Variants in ZNF585A observed in about 807,000 individuals in gnomAD.
ZNF585A encodes the protein zinc finger protein 585A.
Under a neutral mutation model 14.9 loss-of-function variants are expected in ZNF585A, and 9 were observed. That is an observed-to-expected ratio of 0.60 (90% confidence interval 0.36 to 1.05). The LOEUF (loss-of-function observed/expected upper bound fraction) is 1.05, where lower values mean the gene tolerates loss of function less well. Ranked by LOEUF, ZNF585A falls within the 50% of genes least tolerant of loss-of-function variation. The probability of loss-of-function intolerance (pLI) is 0.01; values close to 1 mark genes in which losing one functional copy is unlikely to be tolerated. For synonymous variants in ZNF585A, 276 were observed against 319.9 expected (o/e 0.86, Z 1.46); for missense variants, 726 against 926.4 (o/e 0.78, Z 2.81).
chr19:37,160,059 ATGG>A (rs930345724), intron 2 of ZNF585A, among the ~76,000 whole-genome samples: 7 of 152,256 alleles, frequency 4.6e-5, no homozygotes, highest in Admixed American at 1.3e-4. Context: ...GAGGCCAGAC[ATGG>A]TGGCTCACTC....
intron 2 of ZNF585A, among the ~76,000 whole-genome samples, chr19:37,163,527 G>C (rs1267964871): frequency 6.7e-6 from 1 of 149,688 alleles, no homozygotes; most frequent in Non-Finnish European, 1.5e-5. Flanking sequence ...AGGTGGCAAA[G>C]AGCAGATTAA....
intron 2 of ZNF585A, among the ~76,000 whole-genome samples, chr19:37,166,441 T>C (rs1972092100): frequency 6.6e-6 from 1 of 151,820 alleles, no homozygotes; most frequent in Admixed American, 6.6e-5. Flanking sequence ...TGCCTCAGCC[T>C]CCTGAGTAAC....
intron 2 of ZNF585A, among the ~76,000 whole-genome samples, chr19:37,163,565 A>G (rs986428431): frequency 6.6e-6 from 1 of 152,092 alleles, no homozygotes; most frequent in Non-Finnish European, 1.5e-5. Context: ...AGACGGAAAT[A>G]AAGATATTTT....
At position 37,151,115 on chromosome 19, in the gene ZNF585A, A is replaced by G. The variant is rs75216732; in HGVS notation, c.*474T>C. On this transcript the variant is annotated 3_prime_UTR_variant, in exon 5 of 5. Transcript: ENST00000292841. Reference sequence around the variant, plus strand: ...TGTGGTAGATTCGAATGAGAAAGAAAAACACCCAGGAGTCTGTTACACAAT... The same window carrying G: ...TGTGGTAGATTCGAATGAGAAAGAAGAACACCCAGGAGTCTGTTACACAAT... 5,014 of 375,714 alleles carry G rather than the reference A, an allele frequency of 0.013. 64 individuals carry two copies. Among genetic ancestry groups the G allele is most frequent in the Middle Eastern group, 0.036 (54 of 1,500 alleles). The allele number at this position is 375,714 out of a possible 1,614,324, so 23.3% of individuals were successfully genotyped here. A position where few individuals can be genotyped will look rare whatever the true frequency, so the allele number is the denominator to read the frequency against.
chr19:37,146,852 G>A lies in ZNF585A; in HGVS notation c.*4737C>T, dbSNP rs1440580741. On this transcript the variant is annotated 3_prime_UTR_variant, in exon 5 of 5. Transcript: ENST00000292841. ...AGGATACTCAGTTTGGTACTGCCCT[G>A]ACATGGAGTTAGAGCTGGGTGTGCT... 1 of 152,266 alleles carries A rather than the reference G, an allele frequency of 6.6e-6. No individual in the cohort carries two copies. Among genetic ancestry groups the A allele is most frequent in the Non-Finnish European group, 1.5e-5 (1 of 68,170 alleles). The allele number at this position is 152,266 out of a possible 1,614,324, so 9.4% of individuals were successfully genotyped here. A position where few individuals can be genotyped will look rare whatever the true frequency, so the allele number is the denominator to read the frequency against.
At chr19:37,166,842 A>G (rs1355612854) in intron 2 of ZNF585A, among the ~76,000 whole-genome samples, 1 of 151,488 alleles carries the variant, frequency 6.6e-6, no homozygotes, top group Non-Finnish European at 1.5e-5. Context: ...AACTTACTTT[A>G]TTTATTTATG....
rs542594385 is a variant in ZNF585A, at chr19:37,161,458, T to C, written c.73-5103A>G. Among the ~76,000 whole-genome samples, 15 of 152,324 alleles carry C rather than the reference T, an allele frequency of 9.8e-5. No individual in the cohort carries two copies. The East Asian group carries it at 1.5e-3, about 16-fold the overall frequency. ...ACAAGACTGGAAGATCAGAGACTCA[T>C]TGCACAATTGATGAGAGAGAATATA... On this transcript the variant is annotated intron_variant, in intron 2 of 4. Coordinates refer to ENST00000292841, the MANE Select transcript of ZNF585A (RefSeq NM_001288800.2).
rs1183235962 is a variant in ZNF585A at position 37,147,899 on chromosome 19, C to T, written c.*3690G>A. 2 of 152,160 alleles carry T rather than the reference C, an allele frequency of 1.3e-5. No individual in the cohort carries two copies. The highest frequency in any genetic ancestry group is 4.8e-5 in the African/African-American group (2 of 41,452). 9.4% of individuals were successfully genotyped at this position (152,160 alleles called of 1,614,324 possible). A position where few individuals can be genotyped will look rare whatever the true frequency, so the allele number is the denominator to read the frequency against. ...AGCAGCCCTCCATAGTATTGGTGTA[C>T]ACAATTTGTTTAATCACTCATCCAC... On this transcript the variant is annotated 3_prime_UTR_variant, in exon 5 of 5. Transcript: ENST00000292841.
intron 2 of ZNF585A, among the ~76,000 whole-genome samples, chr19:37,160,127 G>A (rs1269192298): frequency 6.6e-6 from 1 of 151,960 alleles, no homozygotes; most frequent in Non-Finnish European, 1.5e-5. Context: ...GAGCCCAGGA[G>A]TTCGAGATCA....
At position 37,151,990 on chromosome 19, in the gene ZNF585A, C is replaced by T; in HGVS notation, c.1909G>A (p.Ala637Thr). The change falls in exon 5 of 5, where the codon GCC (alanine) becomes ACC (threonine). Residue 637 changes from alanine to threonine, a missense_variant. Transcript: ENST00000292841. The part of the protein sequence containing the change: ...VHTGEKPYVC[A>T]ECGKAFSGRS... The stretch of plus-strand genomic sequence containing the variant: ...CCACTAAAGGCCTTCCCGCACTCGG[C>T]ACACACATAGGGTTTCTCTCCTGTG... The T allele has an allele frequency of 6.2e-7, 1 of 1,614,002 alleles. No homozygotes were observed. Among genetic ancestry groups the T allele is most frequent in the Non-Finnish European group, 8.5e-7 (1 of 1,180,006 alleles).
Position 37,145,871 on chromosome 19 carries a change from GAT to G in ZNF585A, c.*5716_*5717del, listed in dbSNP as rs1971735886. 6.6e-6 allele frequency: 1 copy of G among 152,152 alleles called. No individual in the cohort carries two copies. The highest frequency in any genetic ancestry group is 2.4e-5 in the African/African-American group (1 of 41,428). 9.4% of individuals were successfully genotyped at this position (152,152 alleles called of 1,614,324 possible). A position where few individuals can be genotyped will look rare whatever the true frequency, so the allele number is the denominator to read the frequency against. ...TCAGAATTGATATGTTGTTATTTATGATATCTTAATAATTTAGAGGCATATAA... is the reference window on the plus strand; with the variant it reads ...TCAGAATTGATATGTTGTTATTTATGATCTTAATAATTTAGAGGCATATAA... On this transcript the variant is annotated 3_prime_UTR_variant, in exon 5 of 5. Transcript: ENST00000292841.
In ZNF585A at chr19:37,148,776, G is replaced by A. The variant is rs946986199; in HGVS notation, c.*2813C>T. Reference sequence around the variant, plus strand: ...GGAAGCATCCAACAGTCCTTCAGTAGGTGAATAAATAAACATCCAGACGAT... The same window carrying A: ...GGAAGCATCCAACAGTCCTTCAGTAAGTGAATAAATAAACATCCAGACGAT... On this transcript the variant is annotated 3_prime_UTR_variant, in exon 5 of 5. Coordinates refer to ENST00000292841, the MANE Select transcript of ZNF585A (RefSeq NM_001288800.2). 1 of 152,038 alleles carries A rather than the reference G, an allele frequency of 6.6e-6. No individual in the cohort carries two copies. The highest frequency in any genetic ancestry group is 2.4e-5 in the African/African-American group (1 of 41,414). The allele number at this position is 152,038 out of a possible 1,614,324, so 9.4% of individuals were successfully genotyped here. A position where few individuals can be genotyped will look rare whatever the true frequency, so the allele number is the denominator to read the frequency against.
At chr19:37,167,416 G>A (rs1035488736) in intron 2 of ZNF585A, among the ~76,000 whole-genome samples, 10 of 150,832 alleles carry the variant, frequency 6.6e-5, no homozygotes, top group African/African-American at 9.8e-5. Context: ...CTCATGATTC[G>A]CCCACATTGG....
chr19:37,164,689 T>G (rs375631047), intron 2 of ZNF585A, among the ~76,000 whole-genome samples: 2 of 152,186 alleles, frequency 1.3e-5, no homozygotes, highest in East Asian at 3.9e-4. Flanking sequence ...GTTTTTTGCT[T>G]TTGTTTTCAA....
rs572374234 is a variant in ZNF585A, at chr19:37,169,791, C to G, written c.72+48G>C. The G allele has an allele frequency of 2.2e-5, 35 of 1,601,930 alleles. 1 individual carries two copies. The East Asian group carries it at 7.8e-4, about 36-fold the overall frequency. On this transcript the variant is annotated intron_variant, in intron 2 of 4. Coordinates refer to ENST00000292841, the MANE Select transcript of ZNF585A (RefSeq NM_001288800.2). ...AGGTTCTAGTGACAGACCAGAGATA[C>G]CTAGTCCTGGATTGAATTCCCACCC... is the stretch of plus-strand genomic sequence containing the variant.
rs531240565 is a variant in ZNF585A at position 37,163,219 on chromosome 19, T to C, written c.72+6620A>G. Reference sequence around the variant, plus strand: ...AAGAAATCTCCTCATTCAAAGACAATAAACATCTCCTGATGTACAAAGATG... The same window carrying C: ...AAGAAATCTCCTCATTCAAAGACAACAAACATCTCCTGATGTACAAAGATG... On this transcript the variant is annotated intron_variant, in intron 2 of 4. Coordinates refer to ENST00000292841, the MANE Select transcript of ZNF585A (RefSeq NM_001288800.2). Among the ~76,000 whole-genome samples, 6 of 149,666 alleles carry C rather than the reference T, an allele frequency of 4.0e-5. No homozygotes were observed. In the East Asian group the frequency reaches 1.2e-3, roughly 29 times the overall value.
At position 37,152,196 on chromosome 19, in the gene ZNF585A, T is replaced by C. The variant is rs1203662938; in HGVS notation, c.1703A>G (p.His568Arg). The C allele has an allele frequency of 6.2e-7, 1 of 1,613,066 alleles. No individual in the cohort carries two copies. Among genetic ancestry groups the C allele is most frequent in the Non-Finnish European group, 8.5e-7 (1 of 1,179,592 alleles). The change falls in exon 5 of 5, where the codon CAT (histidine) becomes CGT (arginine). Residue 568 changes from histidine (H) to arginine (R), a missense_variant. This residue lies in a region of ZNF585A where 243 missense variants were observed against 383.6 expected (regional missense o/e 0.63). Transcript: ENST00000292841. ...AFNQKSILIVHQKIHTGEKPY... is the reference protein window; with the variant it reads ...AFNQKSILIVRQKIHTGEKPY... ...TTTCTCTCCTGTATGAATTTTCTGA[T>C]GAACAATGAGTATTGATTTCTGGTT...
At chr19:37,155,114 C>T (rs1277467742) in intron 4 of ZNF585A, among the ~76,000 whole-genome samples, 6 of 151,278 alleles carry the variant, frequency 4.0e-5, no homozygotes. Flanking sequence ...CATTCTCCTG[C>T]CTCAGCCTCC....
In ZNF585A at chr19:37,162,258, T is replaced by G. The variant is rs561310810; in HGVS notation, c.73-5903A>C. Among the ~76,000 whole-genome samples the G allele has an allele frequency of 3.9e-3, 600 of 152,354 alleles. 1 individual carries two copies. Among genetic ancestry groups the G allele is most frequent in the Non-Finnish European group, 6.6e-3 (448 of 68,024 alleles). ...GATTCTTAAAAGCTACTTTTTTAAT[T>G]TATTCATTTAATTGTGTTCGGAGAT... On this transcript the variant is annotated intron_variant, in intron 2 of 4. Coordinates refer to ENST00000292841, the MANE Select transcript of ZNF585A (RefSeq NM_001288800.2).
Sources: gnomAD v4.1 joint callset for allele counts (sites outside exome capture counted in the v4.1 genomes callset) on GRCh38, gnomAD v4.1.1 for gene constraint, gnomAD v4.1.1 regional missense constraint, MANE v1.5 for transcripts, NCBI Gene and HGNC (gene_info 2026-07-23, HGNC 2026-07-21) for gene names.